The following CAMTA1 variants were observed in gnomAD, a reference collection of about 807,000 sequenced individuals.
The protein encoded by CAMTA1 is calmodulin-binding transcription activator 1.
Under a neutral mutation model 170.9 loss-of-function variants are expected in CAMTA1, and 27 were observed. The observed-to-expected ratio is 0.16, with a 90% CI of 0.12 to 0.22. CAMTA1 has a LOEUF of 0.22. CAMTA1 is among the 10% of genes least tolerant of loss of function. CAMTA1 has a pLI of 1.00. For missense variants in CAMTA1, 1,619 were observed against 2,217.2 expected, an observed-to-expected ratio of 0.73 and a Z score of 5.42; for synonymous variants, 833 against 891.5, an observed-to-expected ratio of 0.93 and a Z score of 1.17.
In CAMTA1 at chr1:7,607,118, A is replaced by AGGATGGAT. The variant is rs749176148; in HGVS notation, c.511-33251_511-33244dup. Reference sequence around the variant, plus strand: ...ATGGAGGAGTAGGTGGGTAGATGGAAGGATGGATGGATGGATGGATGGATG... The same window carrying AGGATGGAT: ...ATGGAGGAGTAGGTGGGTAGATGGAAGGATGGATGGATGGATGGATGGATGGATGGATG... On this transcript the variant is annotated intron_variant, in intron 6 of 22. Transcript: ENST00000303635. Among the ~76,000 whole-genome samples, 1,193 of 149,674 alleles carry AGGATGGAT rather than the reference A, an allele frequency of 8.0e-3. 21 individuals carry two copies. The highest frequency in any genetic ancestry group is 0.028 in the African/African-American group (1,123 of 39,894).
chr1:7,711,930 A>G (rs2096573797), intron 11 of CAMTA1, among the ~76,000 whole-genome samples: 2 of 152,236 alleles, frequency 1.3e-5, no homozygotes, highest in African/African-American at 2.4e-5. Context: ...GCCAGAGAAC[A>G]AAAACCTTTT....
At chr1:7,487,195 C>T (rs1015047618) in intron 6 of CAMTA1, among the ~76,000 whole-genome samples, 3 of 152,118 alleles carry the variant, frequency 2.0e-5, no homozygotes, top group African/African-American at 7.2e-5. Context: ...GCATGAAGGC[C>T]CCTCCACGGT....
At chr1:7,347,844 A>G (rs1160890205) in intron 5 of CAMTA1, among the ~76,000 whole-genome samples, 1 of 152,106 alleles carries the variant, frequency 6.6e-6, no homozygotes, top group Non-Finnish European at 1.5e-5. Flanking sequence ...GGAAGCTGCC[A>G]TTGGAGTCAG....
At chr1:7,246,865 A>G (rs1558303929) in intron 4 of CAMTA1, among the ~76,000 whole-genome samples, 1 of 151,826 alleles carries the variant, frequency 6.6e-6, no homozygotes, top group Non-Finnish European at 1.5e-5. Context: ...GTGGGGTTTC[A>G]CCATGTTGGC....
intron 4 of CAMTA1, among the ~76,000 whole-genome samples, chr1:7,242,844 C>A (rs1422598228): frequency 6.6e-6 from 1 of 151,900 alleles, no homozygotes; most frequent in Non-Finnish European, 1.5e-5. Flanking sequence ...CGCCTATAGT[C>A]CCAGCTACTT....
chr1:7,517,955 A>T (rs575169203), intron 6 of CAMTA1, among the ~76,000 whole-genome samples: 1 of 151,958 alleles, frequency 6.6e-6, no homozygotes, highest in East Asian at 1.9e-4. Flanking sequence ...TTGCTTACTG[A>T]GCCTGGGCAA....
intron 3 of CAMTA1, among the ~76,000 whole-genome samples, chr1:6,960,044 T>C (rs1572042486): frequency 6.6e-6 from 1 of 152,188 alleles, no homozygotes; most frequent in African/African-American, 2.4e-5. Flanking sequence ...CATGAGAAAT[T>C]AAATAACCAG....
rs1470961826 is a variant in CAMTA1, at chr1:7,067,430, C to CTTCT, written c.235-23872_235-23869dup. Among the ~76,000 whole-genome samples the CTTCT allele has an allele frequency of 3.9e-5, 6 of 152,040 alleles. No homozygotes were observed. Among genetic ancestry groups the CTTCT allele is most frequent in the African/African-American group, 1.5e-4 (6 of 41,364 alleles). On this transcript the variant is annotated intron_variant, in intron 3 of 22. Transcript: ENST00000303635. The surrounding 1 kb of genome is among the most constrained non-coding windows in gnomAD (Gnocchi z 4.3). ...TCTTACTTGCTGAATTCTTCTTCTT[C>CTTCT]TTCTTCTGCTTCTCTGAGATCTGAG...
At chr1:7,076,915 G>T (rs145306293) in intron 3 of CAMTA1, among the ~76,000 whole-genome samples, 1 of 152,308 alleles carries the variant, frequency 6.6e-6, no homozygotes, top group African/African-American at 2.4e-5. Context: ...CTCAAAGCTG[G>T]GTTGCTTGTT....
At chr1:6,966,662 T>G (rs1327282041) in intron 3 of CAMTA1, among the ~76,000 whole-genome samples, 5 of 140,836 alleles carry the variant, frequency 3.6e-5, no homozygotes, top group Non-Finnish European at 6.0e-5. Flanking sequence ...CAGGCTGGAG[T>G]GCAAGTGGTG....
chr1:6,891,327 A>G (rs966903112), intron 3 of CAMTA1, among the ~76,000 whole-genome samples: 2 of 152,184 alleles, frequency 1.3e-5, no homozygotes, highest in Admixed American at 6.5e-5. Context: ...CTTGGATCAA[A>G]TTTGGCTTAA....
intron 1 of CAMTA1, among the ~76,000 whole-genome samples, chr1:6,785,915 TCCCCGCCGCTCCCGAGCCCGCTG>T (rs933540675): frequency 3.4e-5 from 5 of 146,630 alleles, no homozygotes; most frequent in African/African-American, 5.0e-5. Context: ...GGACCGGGCA[TCCCCGCCGCTCCCGAGCCCGCTG>T]CGCGGCCCCC....
At chr1:6,820,548 A>G (rs1258644782) in intron 2 of CAMTA1, among the ~76,000 whole-genome samples, 2 of 152,242 alleles carry the variant, frequency 1.3e-5, no homozygotes, top group African/African-American at 4.8e-5. Context: ...CTAGTGTCCA[A>G]TACCAGGTGA....
chr1:7,336,993 A>C (rs536578368), intron 5 of CAMTA1, among the ~76,000 whole-genome samples: 1 of 152,328 alleles, frequency 6.6e-6, no homozygotes, highest in Admixed American at 6.5e-5. Flanking sequence ...GCAGGTCCAG[A>C]AGCCTTTTTG....
At chr1:7,186,287 G>A (rs1354415135) in intron 4 of CAMTA1, among the ~76,000 whole-genome samples, 1 of 152,204 alleles carries the variant, frequency 6.6e-6, no homozygotes, top group African/African-American at 2.4e-5. Flanking sequence ...TCTGTGTCTT[G>A]AAGTGTTTCA....
intron 1 of CAMTA1, among the ~76,000 whole-genome samples, chr1:6,789,955 G>A (rs968939248): frequency 2.6e-5 from 4 of 151,668 alleles, no homozygotes; most frequent in Admixed American, 6.6e-5. Flanking sequence ...GATTACAGGC[G>A]TGCACCACCA....
At chr1:7,739,649 G>A (rs969547070) in intron 16 of CAMTA1, among the ~76,000 whole-genome samples, 2 of 152,296 alleles carry the variant, frequency 1.3e-5, no homozygotes, top group East Asian at 1.9e-4. Context: ...AATGAGAGCC[G>A]AGTGAAAGGG....
intron 6 of CAMTA1, among the ~76,000 whole-genome samples, chr1:7,626,870 CT>C (rs2095637272): frequency 6.6e-6 from 1 of 152,190 alleles, no homozygotes; most frequent in East Asian, 1.9e-4. Flanking sequence ...TAGGAGACCC[CT>C]GACTTGCAGG....
intron 3 of CAMTA1, among the ~76,000 whole-genome samples, chr1:7,020,790 C>A (rs1701231345): frequency 6.6e-6 from 1 of 152,204 alleles, no homozygotes; most frequent in South Asian, 2.1e-4. Flanking sequence ...CCAGGGCTGA[C>A]CCCAATGCCA....
Sources: allele counts gnomAD v4.1 joint callset (sites outside exome capture counted in the v4.1 genomes callset), GRCh38; gene constraint gnomAD v4.1.1; non-coding constraint Gnocchi (gnomAD v3.1); transcripts MANE v1.5; gene names NCBI Gene and HGNC (gene_info 2026-07-23, HGNC 2026-07-21).